PRKG1: variants seen among roughly 807,000 people sequenced by gnomAD.
PRKG1 encodes the protein cGMP-dependent protein kinase 1.
Under a neutral mutation model 88.1 loss-of-function variants are expected in PRKG1, and 35 were observed. The ratio of observed to expected loss-of-function variants is 0.40; its 90% CI spans 0.30 to 0.53. The LOEUF (loss-of-function observed/expected upper bound fraction) is 0.53, where lower values mean the gene tolerates loss of function less well. PRKG1 is among the 20% of genes least tolerant of loss of function. The pLI is 0.59. For missense variants in PRKG1, 540 were observed against 839.8 expected (o/e 0.64, Z 4.41); for synonymous variants, 303 against 292.5 (o/e 1.04, Z -0.37).
At chr10:51,845,442 A>G (rs575734989) in intron 4 of PRKG1, among the ~76,000 whole-genome samples, 33 of 152,266 alleles carry the variant, frequency 2.2e-4, no homozygotes, top group African/African-American at 7.0e-4. Context: ...ACAACTGTCA[A>G]TTTGAATCTT....
intron 3 of PRKG1, among the ~76,000 whole-genome samples, chr10:51,518,018 A>C (rs1411302301): frequency 6.6e-6 from 1 of 152,088 alleles, no homozygotes; most frequent in Non-Finnish European, 1.5e-5. Context: ...TGTTTTTTTG[A>C]GACAAAGTCT....
chr10:51,318,413 G>T (rs1480738951), intron 2 of PRKG1, among the ~76,000 whole-genome samples: 2 of 152,164 alleles, frequency 1.3e-5, no homozygotes, highest in Non-Finnish European at 2.9e-5. Flanking sequence ...GTGTCAAATT[G>T]TTGACAAGGA....
intron 2 of PRKG1, among the ~76,000 whole-genome samples, chr10:51,181,596 A>T (rs1354550194): frequency 6.6e-6 from 1 of 152,206 alleles, no homozygotes; most frequent in Non-Finnish European, 1.5e-5. Context: ...TTAGATAAGC[A>T]ACAAAAAGCT....
intron 5 of PRKG1, among the ~76,000 whole-genome samples, chr10:52,042,038 A>G (rs1845765541): frequency 6.6e-6 from 1 of 152,126 alleles, no homozygotes. Context: ...AAAACTATAA[A>G]GCACTGATGA....
chr10:51,699,700 T>C (rs1841413368), intron 3 of PRKG1: 3 of 758,312 alleles, frequency 4.0e-6, no homozygotes, highest in Non-Finnish European at 6.4e-6. Flanking sequence ...CTGTGGAACC[T>C]GCATCCCACT....
intron 9 of PRKG1, among the ~76,000 whole-genome samples, chr10:52,166,535 A>C (rs1242505781): frequency 7.0e-6 from 1 of 143,068 alleles, no homozygotes; most frequent in African/African-American, 2.5e-5. Flanking sequence ...CCGGGTTCAC[A>C]CCATTCTCCT....
intron 9 of PRKG1, among the ~76,000 whole-genome samples, chr10:52,232,848 G>C (rs759524192): frequency 6.6e-6 from 1 of 152,136 alleles, no homozygotes; most frequent in Non-Finnish European, 1.5e-5. Context: ...GCAATTTCCT[G>C]TTATGATGAG....
At chr10:51,850,543 C>G (rs1042592440) in intron 4 of PRKG1, among the ~76,000 whole-genome samples, 19 of 149,902 alleles carry the variant, frequency 1.3e-4, no homozygotes, top group Non-Finnish European at 6.0e-5. Flanking sequence ...AAAAAGGATA[C>G]CATCAGCAAA....
rs117408646 is a variant in PRKG1, at chr10:51,753,346, G to T, written c.593-51239G>T. ...TTTAGATTATAAGATGTCAATTACT[G>T]TTTAATTGCTTTTTTTGAATCTAAG... On this transcript the variant is annotated intron_variant, in intron 3 of 17. Coordinates refer to ENST00000373980, the MANE Select transcript of PRKG1 (RefSeq NM_006258.4). Among the ~76,000 whole-genome samples the T allele has an allele frequency of 5.1e-3, 780 of 151,916 alleles. 1 individual carries two copies. Among genetic ancestry groups the T allele is most frequent in the Middle Eastern group, 0.01 (3 of 294 alleles).
In PRKG1 at chr10:51,167,038, A is replaced by T. The variant is rs139521143; in HGVS notation, c.478+13708A>T. ...TTATGTCTCAGTGGACACTGAGGACATTACAGTGAACAACACATACACAGT... is the reference window on the plus strand; with the variant it reads ...TTATGTCTCAGTGGACACTGAGGACTTTACAGTGAACAACACATACACAGT... On this transcript the variant is annotated intron_variant, in intron 2 of 17. Transcript: ENST00000373980. 3.2e-3 allele frequency among the ~76,000 whole-genome samples: 483 copies of T among 152,346 alleles called. 3 individuals carry two copies. Among genetic ancestry groups the T allele is most frequent in the African/African-American group, 0.011 (461 of 41,586 alleles).
chr10:51,142,872 A>G (rs1845853251), intron 1 of PRKG1, among the ~76,000 whole-genome samples: 1 of 152,110 alleles, frequency 6.6e-6, no homozygotes, highest in African/African-American at 2.4e-5. Context: ...AGATAACATC[A>G]TATGCTTTTA....
chr10:52,035,277 T>C (rs1845576812), intron 5 of PRKG1, among the ~76,000 whole-genome samples: 1 of 152,120 alleles, frequency 6.6e-6, no homozygotes, highest in Admixed American at 6.5e-5. Context: ...AAAGCTAATT[T>C]GCCAGTCCTG....
chr10:51,840,536 T>C (rs1197051677), intron 4 of PRKG1, among the ~76,000 whole-genome samples: 1 of 149,666 alleles, frequency 6.7e-6, no homozygotes, highest in African/African-American at 2.4e-5. Context: ...TTTATTTATT[T>C]ATTTATTTAT....
At chr10:51,956,323 G>A (rs1398824713) in intron 5 of PRKG1, among the ~76,000 whole-genome samples, 2 of 151,524 alleles carry the variant, frequency 1.3e-5, no homozygotes, top group East Asian at 1.9e-4. Flanking sequence ...CATATCTGGT[G>A]TTACAACAAT....
Position 51,969,981 on chromosome 10 carries a change from TTA to T in PRKG1, c.762+62413_762+62414del, listed in dbSNP as rs774851900. On this transcript the variant is annotated intron_variant, in intron 5 of 17. Coordinates refer to ENST00000373980, the MANE Select transcript of PRKG1 (RefSeq NM_006258.4). ...ATTGCTAAATTTTACTCTGTTTGCTTTATTTGCCCATTCTCTTCATACACACA... is the reference window on the plus strand; with the variant it reads ...ATTGCTAAATTTTACTCTGTTTGCTTTTTGCCCATTCTCTTCATACACACA... 2.0e-3 allele frequency among the ~76,000 whole-genome samples: 295 copies of T among 150,680 alleles called. 2 individuals carry two copies. Among genetic ancestry groups the T allele is most frequent in the Admixed American group, 3.2e-3 (48 of 15,042 alleles).
In PRKG1 at chr10:51,822,806, C is replaced by G. The variant is rs182273894; in HGVS notation, c.698+18116C>G. On this transcript the variant is annotated intron_variant, in intron 4 of 17. Transcript: ENST00000373980. Reference sequence around the variant, plus strand: ...AGGGCAGTGCACCCTGCCCAGGGGACAACTTTAAGATGTATGTGCATGCCT... The same window carrying G: ...AGGGCAGTGCACCCTGCCCAGGGGAGAACTTTAAGATGTATGTGCATGCCT... Among the ~76,000 whole-genome samples the G allele has an allele frequency of 9.9e-5, 15 of 152,218 alleles. 2 individuals are homozygous for G. Among genetic ancestry groups the G allele is most frequent in the Admixed American group, 9.2e-4 (14 of 15,280 alleles).
intron 3 of PRKG1, among the ~76,000 whole-genome samples, chr10:51,718,484 A>G (rs931397733): frequency 2.0e-5 from 3 of 152,044 alleles, no homozygotes; most frequent in Non-Finnish European, 2.9e-5. Context: ...AGGAGTTTGG[A>G]TTTTCTTCTT....
chr10:51,698,835 G>T (rs150439329), intron 3 of PRKG1: 6 of 1,614,076 alleles, frequency 3.7e-6, no homozygotes, highest in Non-Finnish European at 5.1e-6. Flanking sequence ...AAATGCTGAG[G>T]CTGAGGAGCT....
At chr10:51,770,135 A>G (rs1047802373) in intron 3 of PRKG1, among the ~76,000 whole-genome samples, 3 of 152,214 alleles carry the variant, frequency 2.0e-5, no homozygotes, top group Non-Finnish European at 2.9e-5. Flanking sequence ...CATTCAAGAG[A>G]TATTATGCGT....
Sources: allele counts gnomAD v4.1 joint callset (sites outside exome capture counted in the v4.1 genomes callset), GRCh38; gene constraint gnomAD v4.1.1; transcripts MANE v1.5; gene names NCBI Gene and HGNC (gene_info 2026-07-23, HGNC 2026-07-21).